Variants in BPNT2 observed in about 807,000 individuals in gnomAD.
BPNT2 encodes Golgi-resident adenosine 3',5'-bisphosphate 3'-phosphatase.
BPNT2 carries 11 observed loss-of-function variants against 29.3 expected under a neutral mutation model. That is an observed-to-expected ratio of 0.38 (90% CI 0.24 to 0.62). The LOEUF (loss-of-function observed/expected upper bound fraction) is 0.62. Ranked by LOEUF, BPNT2 falls within the 20% of genes least tolerant of loss-of-function variation. The probability of loss-of-function intolerance (pLI) is 0.62; values close to 1 mark genes in which losing one functional copy is unlikely to be tolerated. For missense variants in BPNT2, 459 were observed against 473.4 expected (o/e 0.97, Z 0.28); for synonymous variants, 195 against 187.7 (o/e 1.04, Z -0.32).
At chr8:56,990,268 C>T (rs1806397052) in intron 1 of BPNT2, among the ~76,000 whole-genome samples, 1 of 152,204 alleles carries the variant, frequency 6.6e-6, no homozygotes, top group Admixed American at 6.5e-5. Flanking sequence ...CTCAAACAGA[C>T]AGTCCCCTGT....
intron 3 of BPNT2, among the ~76,000 whole-genome samples, chr8:56,973,471 C>G (rs1303113315): frequency 6.6e-6 from 1 of 152,128 alleles, no homozygotes; most frequent in Non-Finnish European, 1.5e-5. Flanking sequence ...ATAATAAGTT[C>G]CTGCTGGAAA....
intron 3 of BPNT2, among the ~76,000 whole-genome samples, chr8:56,977,835 C>G (rs1365215049): frequency 6.6e-6 from 1 of 152,118 alleles, no homozygotes; most frequent in Non-Finnish European, 1.5e-5. Flanking sequence ...AAGATACTCC[C>G]TTACAGTTTC....
At chr8:56,979,816 A>C (rs1585563443) in intron 2 of BPNT2, among the ~76,000 whole-genome samples, 1 of 152,330 alleles carries the variant, frequency 6.6e-6, no homozygotes, top group Middle Eastern at 3.4e-3. Flanking sequence ...TACATGCATT[A>C]AAACTTAAAT....
intron 4 of BPNT2, 74 bp downstream of exon 4, chr8:56,966,117 C>T (rs757497402): frequency 1.3e-6 from 2 of 1,522,240 alleles, no homozygotes; most frequent in East Asian, 2.3e-5. Flanking sequence ...CATGGACAAG[C>T]AAATTAGTCT....
At chr8:56,986,466 C>T (rs1806328087) in intron 1 of BPNT2, among the ~76,000 whole-genome samples, 2 of 152,126 alleles carry the variant, frequency 1.3e-5, no homozygotes, top group Admixed American at 1.3e-4. Context: ...TAAACAATAC[C>T]TTAAAATTAG....
chr8:56,981,790 G>A (rs984710390), intron 1 of BPNT2, among the ~76,000 whole-genome samples: 7 of 152,006 alleles, frequency 4.6e-5, no homozygotes, highest in Admixed American at 6.5e-5. Context: ...ATTTTAGTTA[G>A]GGACTTACAC....
intron 1 of BPNT2, among the ~76,000 whole-genome samples, chr8:56,983,591 C>T (rs1017112075): frequency 6.6e-5 from 10 of 152,014 alleles, no homozygotes; most frequent in Non-Finnish European, 1.3e-4. Context: ...CTAGTCATTG[C>T]AGTAAGCTAA....
At chr8:56,977,488 G>C (rs1806160650) in intron 3 of BPNT2, among the ~76,000 whole-genome samples, 1 of 152,128 alleles carries the variant, frequency 6.6e-6, no homozygotes, top group African/African-American at 2.4e-5. Flanking sequence ...CTCTAATCCA[G>C]TATAATCTCA....
Position 56,964,049 on chromosome 8 carries a change from G to A in BPNT2, c.824C>T (p.Ala275Val). The A allele has an allele frequency of 3.8e-6, 6 of 1,593,284 alleles. No homozygotes were observed. Among genetic ancestry groups the A allele is most frequent in the Non-Finnish European group, 4.3e-6 (5 of 1,166,846 alleles). ...PAGGAGYKVL[A>V]LLDVPDKSQE... ...ACTCTTATCAGGCACATCCAAAAGT[G>A]CTAAAACTTTATAACCTAAAAGATA... is the stretch of plus-strand genomic sequence containing the variant. Residue 275 changes from alanine to valine, a missense_variant, in exon 5 of 5, where the codon GCA (alanine) becomes GTA (valine). Transcript: ENST00000262644.
Position 56,978,121 on chromosome 8 carries a change from G to C in BPNT2, c.575C>G (p.Thr192Ser), listed in dbSNP as rs185977778. The change falls in exon 3 of 5, where the codon ACT (threonine) becomes AGT (serine). Residue 192 changes from threonine (T) to serine (S), a missense_variant. Coordinates refer to ENST00000262644, the MANE Select transcript of BPNT2 (RefSeq NM_017813.5). The part of the protein sequence containing the change: ...YTEDLRKYVT[T>S]MVCVAVNGKP... ...ACCATTTACAGCCACACACACCATA[G>C]TAGTGACGTACTTTCGAAGATCCTC... The C allele has an allele frequency of 1.9e-6, 3 of 1,610,714 alleles. No homozygotes were observed. Among genetic ancestry groups the C allele is most frequent in the East Asian group, 4.5e-5 (2 of 44,834 alleles).
intron 1 of BPNT2, among the ~76,000 whole-genome samples, chr8:56,987,085 T>G (rs1034089530): frequency 3.3e-5 from 5 of 152,196 alleles, no homozygotes; most frequent in African/African-American, 1.2e-4. Flanking sequence ...ATTGTCAAAG[T>G]TCAAGGCCCC....
At chr8:56,968,128 T>C (rs1276731386) in intron 3 of BPNT2, among the ~76,000 whole-genome samples, 2 of 151,948 alleles carry the variant, frequency 1.3e-5, no homozygotes, top group East Asian at 1.9e-4. Flanking sequence ...CAACAATATA[T>C]TGAATAAATG....
intron 1 of BPNT2, among the ~76,000 whole-genome samples, chr8:56,986,245 G>GA (rs1228793961): frequency 4.6e-5 from 7 of 151,978 alleles, no homozygotes; most frequent in African/African-American, 7.2e-5. Context: ...GGAACTCTGA[G>GA]AAAAAACAAA....
chr8:56,963,896 G>A lies in BPNT2; in HGVS notation c.977C>T (p.Thr326Ile). Residue 326 changes from threonine (T) to isoleucine (I), a missense_variant, in exon 5 of 5, where the codon ACT becomes ATT. Coordinates refer to ENST00000262644, the MANE Select transcript of BPNT2 (RefSeq NM_017813.5). ...TCCCCCTTCAATGCCGTCTGAACCAGTGTAACTGATTTCTTCACCACTCAG... is the reference window on the plus strand; with the variant it reads ...TCCCCCTTCAATGCCGTCTGAACCAATGTAACTGATTTCTTCACCACTCAG... Reference protein sequence around the residue: ...TTLSGEEISYTGSDGIEGGLL... With the variant: ...TTLSGEEISYIGSDGIEGGLL... 1 of 1,614,148 alleles carries A rather than the reference G, an allele frequency of 6.2e-7. No individual in the cohort carries two copies. The highest frequency in any genetic ancestry group is 1.3e-5 in the African/African-American group (1 of 75,030).
intron 1 of BPNT2, among the ~76,000 whole-genome samples, chr8:56,989,321 G>A (rs1006314987): frequency 6.6e-6 from 1 of 150,450 alleles, no homozygotes; most frequent in African/African-American, 2.5e-5. Context: ...GCAGTGAGCT[G>A]AGATTGTGCC....
intron 3 of BPNT2, 93 bp from the exon 4 acceptor site, chr8:56,966,445 A>G: frequency 9.6e-7 from 1 of 1,046,650 alleles, no homozygotes; most frequent in East Asian, 2.4e-5. Context: ...TATGACTGAC[A>G]AAATAGCTCT....
intron 3 of BPNT2, among the ~76,000 whole-genome samples, chr8:56,972,872 A>G (rs1380294766): frequency 6.6e-6 from 1 of 152,112 alleles, no homozygotes; most frequent in Non-Finnish European, 1.5e-5. Flanking sequence ...AATTTAAAAA[A>G]GGGGCCACAA....
Position 56,993,392 on chromosome 8 carries a change from T to C in BPNT2, c.194A>G (p.Glu65Gly). Residue 65 changes from glutamate to glycine, a missense_variant, in exon 1 of 5, where the codon GAG becomes GGG. Physicochemically the swap from Glu to Gly is moderately conservative, Grantham distance 98. Coordinates refer to ENST00000262644, the MANE Select transcript of BPNT2 (RefSeq NM_017813.5). ...AADGGTVDLR[E>G]MLAVSVLAAV... ...GGCCAGCACTGACACAGCCAGCATC[T>C]CGCGCAAGTCCACGGTGCCCCCATC... 1.9e-6 allele frequency: 3 copies of C among 1,607,694 alleles called. No homozygotes were observed. The highest frequency in any genetic ancestry group is 2.5e-6 in the Non-Finnish European group (3 of 1,179,402).
At position 56,993,679 on chromosome 8, in the gene BPNT2, G is replaced by C. The variant is rs975239140; in HGVS notation, c.-94C>G. 9.2e-7 allele frequency: 1 copy of C among 1,081,334 alleles called. No individual in the cohort carries two copies. 67.0% of individuals were successfully genotyped at this position (1,081,334 alleles called of 1,614,324 possible). ...GCAGCCGCCGCGCTCCGGGCCAGGC[G>C]CCGCGCGGGCTACACTGGCGCCCGC... On this transcript the variant is annotated 5_prime_UTR_variant, in exon 1 of 5. Coordinates refer to ENST00000262644, the MANE Select transcript of BPNT2 (RefSeq NM_017813.5).
Sources: gnomAD v4.1 joint callset for allele counts (sites outside exome capture counted in the v4.1 genomes callset) on GRCh38, gnomAD v4.1.1 for gene constraint, MANE v1.5 for transcripts, NCBI Gene and HGNC (gene_info 2026-07-23, HGNC 2026-07-21) for gene names.